Variants in TCF4 observed in about 807,000 individuals in gnomAD.
TCF4 encodes transcription factor 4, also known as SL3-3 enhancer factor 2.
A neutral mutation model predicts 82.1 loss-of-function variants in TCF4; 3 were observed. The observed-to-expected ratio is 0.04, with a 90% CI of 0.02 to 0.09. The LOEUF is 0.09. Among genes scored for constraint, TCF4 ranks in the 10% least tolerant of loss-of-function variants. The pLI, the probability that TCF4 is intolerant of heterozygous loss-of-function variation, is 1.00. For missense variants in TCF4, 518 were observed against 852.7 expected, an observed-to-expected ratio of 0.61 and a Z score of 4.89; for synonymous variants, 276 against 309.6, an observed-to-expected ratio of 0.89 and a Z score of 1.14.
chr18:55,439,937 T>G (rs1440875302), intron 5 of TCF4, among the ~76,000 whole-genome samples: 1 of 152,208 alleles, frequency 6.6e-6, no homozygotes, highest in Non-Finnish European at 1.5e-5. Flanking sequence ...TTGGCCAGGT[T>G]GGTCTCGAAC....
At chr18:55,466,991 CCTTT>C (rs2096040207) in intron 3 of TCF4, among the ~76,000 whole-genome samples, 1 of 152,184 alleles carries the variant, frequency 6.6e-6, no homozygotes. Context: ...CGCTGCTGCA[CCTTT>C]CTTTCTTTGA....
chr18:55,530,225 T>C (rs1439600052), intron 3 of TCF4, among the ~76,000 whole-genome samples: 1 of 152,116 alleles, frequency 6.6e-6, no homozygotes, highest in African/African-American at 2.4e-5. Context: ...AAACAGGTGA[T>C]TGGAAGGAGA....
intron 2 of TCF4, among the ~76,000 whole-genome samples, chr18:55,628,551 C>G (rs1036598435): frequency 2.0e-5 from 3 of 151,840 alleles, no homozygotes; most frequent in Non-Finnish European, 4.4e-5. Flanking sequence ...TTTCATTATA[C>G]ACAGAAAAGC....
intron 5 of TCF4, among the ~76,000 whole-genome samples, chr18:55,452,249 G>T (rs2095638512): frequency 1.3e-5 from 2 of 152,070 alleles, no homozygotes; most frequent in Admixed American, 6.6e-5. Flanking sequence ...ATCCAGTCTT[G>T]GCATGTTGTC....
chr18:55,540,619 T>C (rs2097157578), intron 3 of TCF4, among the ~76,000 whole-genome samples: 1 of 152,100 alleles, frequency 6.6e-6, no homozygotes, highest in African/African-American at 2.4e-5. Flanking sequence ...ATTCCTGGCA[T>C]ATAAACTTAG....
intron 8 of TCF4, among the ~76,000 whole-genome samples, chr18:55,291,977 T>C (rs2065203685): frequency 6.6e-6 from 1 of 152,188 alleles, no homozygotes; most frequent in African/African-American, 2.4e-5. Context: ...ATAGGGTTAT[T>C]CAGAAATACT....
intron 3 of TCF4, among the ~76,000 whole-genome samples, chr18:55,540,298 G>C (rs1483073387): frequency 1.3e-5 from 2 of 151,910 alleles, no homozygotes; most frequent in Non-Finnish European, 2.9e-5. Flanking sequence ...CCAAAACAAA[G>C]GGAATATCTC....
chr18:55,331,885 CAGA>C (rs2077636693), intron 8 of TCF4, among the ~76,000 whole-genome samples: 1 of 152,156 alleles, frequency 6.6e-6, no homozygotes, highest in Non-Finnish European at 1.5e-5. Flanking sequence ...ATACAATTCA[CAGA>C]AGAAGGGGGC....
At chr18:55,564,454 G>C (rs2097383457) in intron 3 of TCF4, among the ~76,000 whole-genome samples, 1 of 152,328 alleles carries the variant, frequency 6.6e-6, no homozygotes, top group African/African-American at 2.4e-5. Context: ...TACTAGAGTA[G>C]ACCAGGCAAG....
intron 2 of TCF4, among the ~76,000 whole-genome samples, chr18:55,602,269 A>C (rs2097697877): frequency 6.6e-6 from 1 of 152,228 alleles, no homozygotes; most frequent in African/African-American, 2.4e-5. Context: ...TCATAACATT[A>C]GTAAGCTTTC....
chr18:55,424,924 GAGA>G (rs1486835920), intron 5 of TCF4, among the ~76,000 whole-genome samples: 9 of 152,188 alleles, frequency 5.9e-5, no homozygotes, highest in South Asian at 4.1e-4. Flanking sequence ...ATTTAGAGAT[GAGA>G]AGGAGTTTAG....
At chr18:55,293,343 G>A (rs775624788) in intron 8 of TCF4, among the ~76,000 whole-genome samples, 1 of 152,182 alleles carries the variant, frequency 6.6e-6, no homozygotes, top group Non-Finnish European at 1.5e-5. Context: ...TATTAGGAGA[G>A]GAGGCTGCCT....
intron 3 of TCF4, among the ~76,000 whole-genome samples, chr18:55,553,692 T>C (rs2097279629): frequency 2.6e-5 from 4 of 152,214 alleles, no homozygotes; most frequent in Admixed American, 2.0e-4. Context: ...GTATGATGTA[T>C]CATAACATTC....
At chr18:55,400,848 T>C in intron 6 of TCF4, 1 of 691,184 alleles carries the variant, frequency 1.4e-6, no homozygotes, top group Non-Finnish European at 2.1e-6. Context: ...ATAGCACTGC[T>C]CACCCCTTTA....
intron 6 of TCF4, among the ~76,000 whole-genome samples, chr18:55,383,343 C>T (rs1569292465): frequency 6.6e-6 from 1 of 152,182 alleles, no homozygotes; most frequent in African/African-American, 2.4e-5. Flanking sequence ...ATCCAATACC[C>T]ACACACTGTC....
intron 2 of TCF4, among the ~76,000 whole-genome samples, chr18:55,621,530 A>ATAATGTACATT (rs1568500419): frequency 8.7e-5 from 5 of 57,304 alleles, no homozygotes; most frequent in African/African-American, 2.1e-4. Context: ...AATATTATAT[A>ATAATGTACATT]ATATATATAT....
chr18:55,491,315 C>G (rs764559197), intron 3 of TCF4, among the ~76,000 whole-genome samples: 1 of 152,088 alleles, frequency 6.6e-6, no homozygotes, highest in Non-Finnish European at 1.5e-5. Context: ...GGAAGACATA[C>G]TCCAGGCCAA....
At chr18:55,440,299 C>A (rs1194267762) in intron 5 of TCF4, among the ~76,000 whole-genome samples, 1 of 152,100 alleles carries the variant, frequency 6.6e-6, no homozygotes. Flanking sequence ...TTGTTAGCTT[C>A]TTTGTTCTCA....
intron 17 of TCF4, chr18:55,229,410 C>T (rs564148457): frequency 6.8e-5 from 24 of 353,078 alleles, no homozygotes; most frequent in Non-Finnish European, 1.1e-4. Flanking sequence ...TTACACTCTG[C>T]AAAGCAGGCA....
Sources: gnomAD v4.1 joint callset for allele counts (sites outside exome capture counted in the v4.1 genomes callset) on GRCh38, gnomAD v4.1.1 for gene constraint, MANE v1.5 for transcripts, NCBI Gene and HGNC (gene_info 2026-07-23, HGNC 2026-07-21) for gene names.